Variants in CFAP44 observed in about 807,000 individuals in gnomAD.
CFAP44 encodes cilia and flagella associated protein 44.
CFAP44 carries 134 observed loss-of-function variants against 216.2 expected under a neutral mutation model. The ratio of observed to expected loss-of-function variants is 0.62; its 90% confidence interval spans 0.54 to 0.72. The LOEUF is 0.72. Ranked by LOEUF, CFAP44 falls within the 30% of genes least tolerant of loss-of-function variation. CFAP44 has a pLI of 0.00. For synonymous variants in CFAP44, 700 were observed against 727.6 expected, an observed-to-expected ratio of 0.96 and a Z score of 0.61; for missense variants, 2,035 against 2,182.1, an observed-to-expected ratio of 0.93 and a Z score of 1.34.
intron 6 of CFAP44, among the ~76,000 whole-genome samples, chr3:113,410,989 T>C (rs1215529035): frequency 2.0e-5 from 3 of 152,190 alleles, no homozygotes; most frequent in Non-Finnish European, 4.4e-5. Flanking sequence ...CACTTTTTGA[T>C]GGGGTTGTTT....
In CFAP44 at chr3:113,345,924, T is replaced by C. The variant is rs151268169; in HGVS notation, c.3066-1212A>G. On this transcript the variant is annotated intron_variant, in intron 22 of 34. Coordinates refer to ENST00000393845, the MANE Select transcript of CFAP44 (RefSeq NM_001164496.2). ...TTAATTTTCCCTTTTCTTTCATACA[T>C]ACTATCTTTCTCATCTCTTTAAGAC... Among the ~76,000 whole-genome samples the C allele has an allele frequency of 6.6e-5, 10 of 152,376 alleles. No individual in the cohort carries two copies. The East Asian group carries it at 1.5e-3, about 23-fold the overall frequency.
At position 113,420,051 on chromosome 3, in the gene CFAP44, C is replaced by T. The variant is rs759451649; in HGVS notation, c.536G>A (p.Arg179Gln). 50 of 1,613,796 alleles carry T rather than the reference C, an allele frequency of 3.1e-5. No homozygotes were observed. The highest frequency in any genetic ancestry group is 8.3e-5 in the Admixed American group (5 of 59,986). The stretch of plus-strand genomic sequence containing the variant: ...GCCAATTCCTTCACCACTGCTACTT[C>T]GCAGGTAGATCTGTTCCTTGGTTTT... ...NLKTKEQIYLRSSSGEGIGVI... is the reference protein window; with the variant it reads ...NLKTKEQIYLQSSSGEGIGVI... The change falls in exon 5 of 35, where the codon CGA (arginine) becomes CAA (glutamine). Residue 179 changes from arginine (R) to glutamine (Q), a missense_variant. Physicochemically the swap from Arg to Gln is conservative, Grantham distance 43. Transcript: ENST00000393845.
intron 28 of CFAP44, among the ~76,000 whole-genome samples, chr3:113,312,238 A>ATTTT (rs769734983): frequency 0.019 from 2,428 of 130,606 alleles, 110 homozygotes; most frequent in African/African-American, 0.067. Flanking sequence ...TGCCTGGCTA[A>ATTTT]TTTTTTTTTT....
Position 113,302,786 on chromosome 3 carries a change from A to AAAG in CFAP44, c.5077+1129_5077+1130insCTT, listed in dbSNP as rs1553751820. 7.9e-5 allele frequency among the ~76,000 whole-genome samples: 12 copies of AAAG among 151,040 alleles called. No homozygotes were observed. The East Asian group carries it at 2.3e-3, about 29-fold the overall frequency. On this transcript the variant is annotated intron_variant, in intron 32 of 34. Transcript: ENST00000393845. ...AGACTCCATCTCAAAAAAAAAAAAA[A>AAAG]AAAAAGAAAAAGAAAAGAAAAAAGA... is the stretch of plus-strand genomic sequence containing the variant.
Position 113,433,577 on chromosome 3 carries a change from AT to A in CFAP44, c.87del (p.Lys29AsnfsTer15), listed in dbSNP as rs780296838. 1 of 1,609,918 alleles carries A rather than the reference AT, an allele frequency of 6.2e-7. No individual in the cohort carries two copies. Among genetic ancestry groups the A allele is most frequent in the Non-Finnish European group, 8.5e-7 (1 of 1,178,076 alleles). On this transcript the variant is annotated frameshift_variant, in exon 2 of 35. Transcript: ENST00000393845. LOFTEE classifies it high-confidence loss of function. The stretch of plus-strand genomic sequence containing the variant: ...TATCTTTACTTACATCTTGATTCTG[AT>A]TTAGAAGACCTCAGAGACTTCTTCC... ...SDGKKSLRSS[K>X]SESRSPVQED... is the part of the protein sequence containing the mutation.
chr3:113,420,227 A>T (rs763641420), intron 4 of CFAP44, 48 bp from the exon 5 acceptor site: 64 of 1,520,342 alleles, frequency 4.2e-5, no homozygotes, highest in Non-Finnish European at 5.4e-5. Flanking sequence ...CTACCATCCT[A>T]GGGATTGGAA....
intron 2 of CFAP44, 130 bp downstream of exon 2, chr3:113,433,429 CAAAAAA>C (rs58221881): frequency 1.1e-3 from 145 of 127,616 alleles, no homozygotes; most frequent in South Asian, 2.5e-3. Flanking sequence ...AACTCCATCT[CAAAAAA>C]AAAAAAAAAA....
At chr3:113,439,453 C>T (rs1485196707) in intron 1 of CFAP44, among the ~76,000 whole-genome samples, 1 of 152,216 alleles carries the variant, frequency 6.6e-6, no homozygotes, top group African/African-American at 2.4e-5. Context: ...TAGCATCACA[C>T]TTATTGTTGA....
intron 9 of CFAP44, among the ~76,000 whole-genome samples, chr3:113,402,207 G>C (rs1230692080): frequency 2.0e-5 from 3 of 152,176 alleles, no homozygotes; most frequent in Non-Finnish European, 2.9e-5. Context: ...TATAGATGTA[G>C]ATAAAGTCTC....
intron 26 of CFAP44, among the ~76,000 whole-genome samples, chr3:113,329,071 T>C (rs993250400): frequency 7.9e-5 from 12 of 152,226 alleles, no homozygotes; most frequent in African/African-American, 2.9e-4. Context: ...ATCTATTATA[T>C]GTTTGACATT....
intron 15 of CFAP44, among the ~76,000 whole-genome samples, chr3:113,385,810 AT>A (rs34847590): frequency 1.2e-3 from 168 of 144,766 alleles, no homozygotes; most frequent in East Asian, 1.4e-3. Flanking sequence ...TAATTTTTGT[AT>A]TTTTTTTTTT....
At chr3:113,438,873 T>C (rs930559253) in intron 1 of CFAP44, among the ~76,000 whole-genome samples, 4 of 152,330 alleles carry the variant, frequency 2.6e-5, no homozygotes, top group South Asian at 4.1e-4. Context: ...TATTCCTCAA[T>C]GACATGTTTC....
In CFAP44 at chr3:113,379,378, T is replaced by C; in HGVS notation, c.2226A>G (p.Ile742Met). The change falls in exon 17 of 35, where the codon ATA (isoleucine) becomes ATG (methionine). Residue 742 changes from isoleucine (I) to methionine (M), a missense_variant. By Grantham distance (10) the Ile-to-Met change is conservative. Around this residue, in one of 3 missense-constraint regions of CFAP44, gnomAD observed 1,883 missense variants for 2,023.7 expected, o/e 0.93. Coordinates refer to ENST00000393845, the MANE Select transcript of CFAP44 (RefSeq NM_001164496.2). ...EEEEEEPLPE[I>M]FIPSTPSPIL... is the part of the protein sequence containing the mutation. ...TGGGAGAGGGGGTTGACGGAATAAATATTTCAGGTAATGGCTCTTCTTCCT... is the reference window on the plus strand; with the variant it reads ...TGGGAGAGGGGGTTGACGGAATAAACATTTCAGGTAATGGCTCTTCTTCCT... 6.2e-7 allele frequency: 1 copy of C among 1,613,292 alleles called. No homozygotes were observed.
chr3:113,341,154 G>C (rs999336630), intron 24 of CFAP44, among the ~76,000 whole-genome samples: 3 of 152,160 alleles, frequency 2.0e-5, no homozygotes, highest in African/African-American at 7.2e-5. Context: ...CCCAGGATAG[G>C]GGCATGGCAA....
At chr3:113,439,385 TA>T (rs879611719) in intron 1 of CFAP44, among the ~76,000 whole-genome samples, 25 of 151,278 alleles carry the variant, frequency 1.7e-4, no homozygotes, top group African/African-American at 5.6e-4. Flanking sequence ...ACCTTACACA[TA>T]AAAAAAAATA....
At chr3:113,293,209 C>T (rs781647768) in intron 34 of CFAP44, among the ~76,000 whole-genome samples, 1 of 152,208 alleles carries the variant, frequency 6.6e-6, no homozygotes, top group Non-Finnish European at 1.5e-5. Context: ...TTCTCCTCAC[C>T]AGACTCAATC....
At chr3:113,357,978 T>A (rs1950506711) in intron 22 of CFAP44, among the ~76,000 whole-genome samples, 1 of 152,100 alleles carries the variant, frequency 6.6e-6, no homozygotes, top group Non-Finnish European at 1.5e-5. Flanking sequence ...TGTGGTATAA[T>A]CATTTTAAAG....
intron 15 of CFAP44, among the ~76,000 whole-genome samples, chr3:113,395,490 G>C (rs549396517): frequency 3.3e-5 from 5 of 152,230 alleles, no homozygotes; most frequent in Admixed American, 3.3e-4. Flanking sequence ...ATATAACCCT[G>C]GTTTTTGAGA....
chr3:113,395,600 G>T, intron 15 of CFAP44, 150 bp downstream of exon 15: 1 of 598,160 alleles, frequency 1.7e-6, no homozygotes, highest in Non-Finnish European at 2.9e-6. Flanking sequence ...CCCAGCAGCA[G>T]CCACCTGAGC....
Sources: gnomAD v4.1 joint callset for allele counts (sites outside exome capture counted in the v4.1 genomes callset) on GRCh38, gnomAD v4.1.1 for gene constraint, gnomAD v4.1.1 regional missense constraint, MANE v1.5 for transcripts, NCBI Gene and HGNC (gene_info 2026-07-23, HGNC 2026-07-21) for gene names.